Variants in NKAIN3 observed in about 807,000 individuals in gnomAD.
NKAIN3 encodes sodium/potassium transporting ATPase interacting 3.
In NKAIN3, 25 loss-of-function variants were observed where a neutral mutation model predicts 30.2. That is an observed-to-expected ratio of 0.83 (90% CI 0.60 to 1.16). The LOEUF is 1.16. Among genes scored for constraint, NKAIN3 ranks in the 50% most tolerant of loss-of-function variants. The pLI is 0.00. For missense variants in NKAIN3, 225 were observed against 254.1 expected, an observed-to-expected ratio of 0.89 and a Z score of 0.78; for synonymous variants, 91 against 89.6, an observed-to-expected ratio of 1.02 and a Z score of -0.09.
intron 5 of NKAIN3, among the ~76,000 whole-genome samples, chr8:62,995,556 CTG>C (rs2130936712): frequency 6.6e-6 from 1 of 152,088 alleles, no homozygotes; most frequent in Non-Finnish European, 1.5e-5. Context: ...AAAAGCTAAA[CTG>C]ATCTATATCA....
chr8:62,913,961 A>G (rs1396328966), intron 4 of NKAIN3, among the ~76,000 whole-genome samples: 1 of 152,210 alleles, frequency 6.6e-6, no homozygotes, highest in Non-Finnish European at 1.5e-5. Flanking sequence ...AAAAAGCAGA[A>G]CTACCATGAA....
At chr8:62,725,090 G>A (rs1815213694) in intron 3 of NKAIN3, among the ~76,000 whole-genome samples, 1 of 152,114 alleles carries the variant, frequency 6.6e-6, no homozygotes, top group South Asian at 2.1e-4. Context: ...GGAGTGAGGT[G>A]ATATCTCATT....
chr8:62,799,425 C>T (rs571191991), intron 4 of NKAIN3, among the ~76,000 whole-genome samples: 2 of 152,172 alleles, frequency 1.3e-5, no homozygotes, highest in South Asian at 4.2e-4. Flanking sequence ...ATACAAATAG[C>T]CAACAAGCAT....
At chr8:62,319,198 A>G (rs1299869007) in intron 1 of NKAIN3, among the ~76,000 whole-genome samples, 1 of 151,812 alleles carries the variant, frequency 6.6e-6, no homozygotes, top group Non-Finnish European at 1.5e-5. Flanking sequence ...ATCATTTTTT[A>G]TTGCGTCTAT....
intron 1 of NKAIN3, among the ~76,000 whole-genome samples, chr8:62,524,225 AATATAT>A (rs5891861): frequency 2.7e-5 from 4 of 148,310 alleles, no homozygotes; most frequent in African/African-American, 7.4e-5. Flanking sequence ...CCCCCACCAA[AATATAT>A]ATATATATAT....
intron 4 of NKAIN3, among the ~76,000 whole-genome samples, chr8:62,862,909 C>G (rs989068767): frequency 6.6e-6 from 1 of 152,098 alleles, no homozygotes; most frequent in Non-Finnish European, 1.5e-5. Flanking sequence ...GTTTATTTTT[C>G]CACAGTGCAG....
intron 1 of NKAIN3, among the ~76,000 whole-genome samples, chr8:62,348,016 A>AT (rs1816058536): frequency 8.0e-6 from 1 of 124,768 alleles, no homozygotes; most frequent in African/African-American, 2.6e-5. Context: ...AACTGTCGGT[A>AT]TTTTTTATTG....
chr8:62,792,092 T>G (rs1040980240), intron 4 of NKAIN3, among the ~76,000 whole-genome samples: 3 of 152,130 alleles, frequency 2.0e-5, no homozygotes, highest in African/African-American at 7.2e-5. Flanking sequence ...GTCTGAGACC[T>G]CTTATCCTCA....
intron 1 of NKAIN3, among the ~76,000 whole-genome samples, chr8:62,566,934 T>C (rs1809771218): frequency 6.6e-6 from 1 of 152,122 alleles, no homozygotes; most frequent in Admixed American, 6.6e-5. Flanking sequence ...TAATCTCAAA[T>C]GGGGCATTAG....
intron 3 of NKAIN3, among the ~76,000 whole-genome samples, chr8:62,714,997 G>T (rs1448855384): frequency 6.6e-6 from 1 of 152,198 alleles, no homozygotes; most frequent in Non-Finnish European, 1.5e-5. Flanking sequence ...TCTGCAGGCT[G>T]TACAGATAGC....
At chr8:62,250,823 A>G (rs372274466) in intron 1 of NKAIN3, among the ~76,000 whole-genome samples, 1 of 152,150 alleles carries the variant, frequency 6.6e-6, no homozygotes, top group African/African-American at 2.4e-5. Context: ...TTAAAATTCC[A>G]TTTTTTAATG....
intron 4 of NKAIN3, among the ~76,000 whole-genome samples, chr8:62,870,743 C>T (rs571407898): frequency 1.8e-5 from 2 of 109,702 alleles, no homozygotes; most frequent in Non-Finnish European, 3.7e-5. Flanking sequence ...CTATATATAT[C>T]TAGATATCTA....
At chr8:62,659,850 T>C (rs55651027) in intron 3 of NKAIN3, among the ~76,000 whole-genome samples, 31,116 of 151,998 alleles carry the variant, frequency 0.2, 3,290 homozygotes, top group East Asian at 0.34. Flanking sequence ...TGACATCTGA[T>C]GGTTCTAAAA....
intron 1 of NKAIN3, among the ~76,000 whole-genome samples, chr8:62,530,724 C>T (rs561180194): frequency 3.9e-5 from 6 of 152,030 alleles, no homozygotes; most frequent in East Asian, 3.9e-4. Flanking sequence ...CTGCAACCTC[C>T]GCCTCCCAGA....
chr8:62,991,153 G>A (rs1417273142), intron 5 of NKAIN3: 1 of 152,346 alleles, frequency 6.6e-6, no homozygotes, highest in African/African-American at 2.4e-5. Context: ...AGCCTAGTAA[G>A]TTTAGGAGAG....
At position 62,913,927 on chromosome 8, in the gene NKAIN3, C is replaced by A. The variant is rs1367492215; in HGVS notation, c.472-4526C>A. 2.6e-5 allele frequency among the ~76,000 whole-genome samples: 4 copies of A among 152,282 alleles called. No homozygotes were observed. The East Asian group carries it at 5.8e-4, about 22-fold the overall frequency. On this transcript the variant is annotated intron_variant, in intron 4 of 6. Coordinates refer to ENST00000623646, the MANE Select transcript of NKAIN3 (RefSeq NM_001304533.3). ...AAATTAGGTCAACCGTCGTGAAAAT[C>A]GGCGTGGCAATTCCTCAAAGAGCAA...
chr8:62,760,758 CT>C (rs950881770), intron 4 of NKAIN3, among the ~76,000 whole-genome samples: 2 of 152,044 alleles, frequency 1.3e-5, no homozygotes, highest in African/African-American at 4.8e-5. Context: ...CACATGTACC[CT>C]AAAACTTAAA....
At chr8:62,873,045 G>C (rs954146200) in intron 4 of NKAIN3, among the ~76,000 whole-genome samples, 1 of 152,052 alleles carries the variant, frequency 6.6e-6, no homozygotes, top group African/African-American at 2.4e-5. Flanking sequence ...ACACAGACTG[G>C]CAAATTGGAT....
intron 3 of NKAIN3, among the ~76,000 whole-genome samples, chr8:62,606,394 A>T (rs894520399): frequency 1.3e-5 from 2 of 152,028 alleles, no homozygotes; most frequent in Admixed American, 1.3e-4. Context: ...GTGCTCCTCA[A>T]CTCTAAGACC....
Sources: allele counts gnomAD v4.1 joint callset (sites outside exome capture counted in the v4.1 genomes callset), GRCh38; gene constraint gnomAD v4.1.1; transcripts MANE v1.5; gene names NCBI Gene and HGNC (gene_info 2026-07-23, HGNC 2026-07-21).